The following FZD3 variants were observed in gnomAD, a reference collection of about 807,000 sequenced individuals.
The protein encoded by FZD3 is frizzled class receptor 3, also known as frizzled-3.
Under a neutral mutation model 60.7 loss-of-function variants are expected in FZD3, and 30 were observed. That is an observed-to-expected ratio of 0.49 (90% CI 0.37 to 0.67). FZD3 has a LOEUF of 0.67. Ranked by LOEUF, FZD3 falls within the 30% of genes least tolerant of loss-of-function variation. The pLI is 0.00. For synonymous variants in FZD3, 246 were observed against 275.2 expected (o/e 0.89, Z 1.05); for missense variants, 605 against 838.7 (o/e 0.72, Z 3.44).
At chr8:28,542,530 C>T (rs1305586601) in intron 5 of FZD3, among the ~76,000 whole-genome samples, 2 of 152,066 alleles carry the variant, frequency 1.3e-5, no homozygotes, top group African/African-American at 2.4e-5. Flanking sequence ...CCCAGCTACT[C>T]GGGAGGCTGA....
intron 5 of FZD3, among the ~76,000 whole-genome samples, chr8:28,536,160 A>C (rs1370337824): frequency 1.3e-5 from 2 of 152,226 alleles, no homozygotes; most frequent in African/African-American, 2.4e-5. Flanking sequence ...TTTACAAAGG[A>C]TTATCCTATA....
rs778546081 is a variant in FZD3, at chr8:28,503,249, T to C, written c.189+47T>C. The C allele has an allele frequency of 3.4e-6, 4 of 1,183,330 alleles. No individual in the cohort carries two copies. The South Asian group carries it at 4.2e-5, about 12-fold the overall frequency. 73.3% of individuals were successfully genotyped at this position (1,183,330 alleles called of 1,614,324 possible). On this transcript the variant is annotated intron_variant, in intron 3 of 7. Transcript: ENST00000240093. Reference sequence around the variant, plus strand: ...GACGTATCTTAGTAAATGACTCTTGTGTTGTCCCATCAGCCAATCTAATGA... The same window carrying C: ...GACGTATCTTAGTAAATGACTCTTGCGTTGTCCCATCAGCCAATCTAATGA...
chr8:28,550,332 A>T (rs1014996502), intron 5 of FZD3, among the ~76,000 whole-genome samples: 6 of 150,312 alleles, frequency 4.0e-5, no homozygotes, highest in Non-Finnish European at 8.9e-5. Flanking sequence ...CTCTATTTGC[A>T]TTCTGTGTCT....
At chr8:28,533,230 G>T (rs982030084) in intron 5 of FZD3, among the ~76,000 whole-genome samples, 8 of 151,440 alleles carry the variant, frequency 5.3e-5, no homozygotes, top group Non-Finnish European at 8.8e-5. Flanking sequence ...GTAGAGATGG[G>T]GTCTTGTTAG....
At chr8:28,535,462 T>G (rs1460651798) in intron 5 of FZD3, among the ~76,000 whole-genome samples, 3 of 152,220 alleles carry the variant, frequency 2.0e-5, no homozygotes, top group Non-Finnish European at 4.4e-5. Flanking sequence ...GTCCTATTTC[T>G]GTTCTAAGAT....
At chr8:28,554,408 A>G (rs905153061) in intron 6 of FZD3, among the ~76,000 whole-genome samples, 2 of 152,074 alleles carry the variant, frequency 1.3e-5, no homozygotes, top group African/African-American at 2.4e-5. Context: ...TTTTTTTACT[A>G]TTTTTGGCTT....
intron 5 of FZD3, among the ~76,000 whole-genome samples, chr8:28,530,985 T>C (rs1324874795): frequency 6.6e-6 from 1 of 152,172 alleles, no homozygotes; most frequent in Non-Finnish European, 1.5e-5. Flanking sequence ...TATAGAGATA[T>C]AGAAAATAAA....
intron 1 of FZD3, among the ~76,000 whole-genome samples, chr8:28,498,689 A>G (rs1052936397): frequency 2.6e-5 from 4 of 152,080 alleles, no homozygotes; most frequent in Non-Finnish European, 5.9e-5. Context: ...GCAATTCTCA[A>G]GCCCCTCCTG....
intron 5 of FZD3, among the ~76,000 whole-genome samples, chr8:28,538,343 T>C (rs1805072987): frequency 6.6e-6 from 1 of 152,174 alleles, no homozygotes; most frequent in Non-Finnish European, 1.5e-5. Flanking sequence ...TAATCATAGT[T>C]GCTTCTAGTT....
intron 5 of FZD3, among the ~76,000 whole-genome samples, chr8:28,529,627 T>C (rs181277): frequency 0.018 from 2,688 of 152,270 alleles, 95 homozygotes; most frequent in African/African-American, 0.061. Context: ...ACATTTTTGA[T>C]CACTGAGAAT....
At chr8:28,530,968 T>G (rs1585976914) in intron 5 of FZD3, among the ~76,000 whole-genome samples, 1 of 152,272 alleles carries the variant, frequency 6.6e-6, no homozygotes, top group Admixed American at 6.5e-5. Context: ...ATAACATATT[T>G]CAAATATATA....
At chr8:28,513,786 G>A (rs1804350230) in intron 3 of FZD3, among the ~76,000 whole-genome samples, 1 of 152,052 alleles carries the variant, frequency 6.6e-6, no homozygotes, top group Non-Finnish European at 1.5e-5. Context: ...AACCCCATAG[G>A]GTACAGTTTC....
intron 2 of FZD3, among the ~76,000 whole-genome samples, chr8:28,501,457 G>T (rs963898552): frequency 6.6e-6 from 1 of 152,122 alleles, no homozygotes; most frequent in Admixed American, 6.5e-5. Flanking sequence ...TATTTAAGTT[G>T]TCCTATTAGT....
chr8:28,558,443 T>C (rs1045844813), intron 7 of FZD3, among the ~76,000 whole-genome samples: 4 of 151,588 alleles, frequency 2.6e-5, no homozygotes, highest in African/African-American at 7.3e-5. Flanking sequence ...TTTATTTTTT[T>C]TTTTTGAGGC....
At chr8:28,559,780 T>G (rs1241077033) in intron 7 of FZD3, among the ~76,000 whole-genome samples, 1 of 152,228 alleles carries the variant, frequency 6.6e-6, no homozygotes, top group African/African-American at 2.4e-5. Context: ...TTTTTAACTT[T>G]GTGTGTCAAC....
Position 28,569,004 on chromosome 8 carries a change from T to A in FZD3, c.*5993T>A, listed in dbSNP as rs1585200534. The A allele has an allele frequency of 6.6e-6, 1 of 152,118 alleles. No homozygotes were observed. Among genetic ancestry groups the A allele is most frequent in the East Asian group, 1.9e-4 (1 of 5,204 alleles). 9.4% of individuals were successfully genotyped at this position (152,118 alleles called of 1,614,324 possible). A position where few individuals can be genotyped will look rare whatever the true frequency, so the allele number is the denominator to read the frequency against. On this transcript the variant is annotated 3_prime_UTR_variant, in exon 8 of 8. Coordinates refer to ENST00000240093, the MANE Select transcript of FZD3 (RefSeq NM_017412.4). ...AAGATTCACTGTTTCATTATTTTGC[T>A]AATTACCATTAACTAGTAAAGTTAG...
intron 5 of FZD3, among the ~76,000 whole-genome samples, chr8:28,550,481 C>CT (rs386412443): frequency 0.064 from 2,207 of 34,418 alleles, 73 homozygotes; most frequent in East Asian, 0.1. Context: ...CTTCTTTTAT[C>CT]TTTTTTTTTT....
At chr8:28,503,603 C>T (rs1804057391) in intron 3 of FZD3, among the ~76,000 whole-genome samples, 1 of 152,164 alleles carries the variant, frequency 6.6e-6, no homozygotes, top group African/African-American at 2.4e-5. Flanking sequence ...ATTCTTCAGA[C>T]ATTTCTTAAT....
At chr8:28,536,274 A>T (rs565038234) in intron 5 of FZD3, among the ~76,000 whole-genome samples, 2 of 152,028 alleles carry the variant, frequency 1.3e-5, no homozygotes, top group Non-Finnish European at 2.9e-5. Flanking sequence ...TCTTTCATCC[A>T]TCTAATTTAA....
Sources: gnomAD v4.1 joint callset for allele counts (sites outside exome capture counted in the v4.1 genomes callset) on GRCh38, gnomAD v4.1.1 for gene constraint, MANE v1.5 for transcripts, NCBI Gene and HGNC (gene_info 2026-07-23, HGNC 2026-07-21) for gene names.